The following APC2 variants were observed in gnomAD, a reference collection of about 807,000 sequenced individuals.
The protein encoded by APC2 is adenomatous polyposis coli protein 2.
APC2 carries 41 observed loss-of-function variants against 72.5 expected under a neutral mutation model. The observed-to-expected ratio is 0.57, with a 90% CI of 0.44 to 0.73. APC2 has a LOEUF of 0.73. Ranked by LOEUF, APC2 falls within the 30% of genes least tolerant of loss-of-function variation. The pLI is 0.00. For missense variants in APC2, 3,729 were observed against 3,403.4 expected (o/e 1.10, Z -2.38); for synonymous variants, 1,898 against 1,612.0 (o/e 1.18, Z -4.25).
rs1332219759 is a variant in APC2, at chr19:1,472,745, C to T, written c.*2532C>T. ...CAATCAACTCAAGGTACGCCCACTG[C>T]AAGGCCTCCCTCCCACCGCGGCCCC... On this transcript the variant is annotated 3_prime_UTR_variant, in exon 15 of 15. Transcript: ENST00000590469. 1.3e-5 allele frequency: 2 copies of T among 152,460 alleles called. No individual in the cohort carries two copies. Among genetic ancestry groups the T allele is most frequent in the Non-Finnish European group, 2.9e-5 (2 of 68,236 alleles). The allele number at this position is 152,460 out of a possible 1,614,324, so 9.4% of individuals were successfully genotyped here. A position where few individuals can be genotyped will look rare whatever the true frequency, so the allele number is the denominator to read the frequency against.
At chr19:1,450,440 C>T in intron 1 of APC2, 102 bp downstream of exon 1, 2 of 883,282 alleles carry the variant, frequency 2.3e-6, no homozygotes, top group Non-Finnish European at 2.7e-6. Flanking sequence ...ACTCTGGACC[C>T]TCCATTTCCC....
At chr19:1,461,820 C>G (rs1383902725) in intron 13 of APC2, 143 bp from the exon 14 acceptor site, 2 of 698,684 alleles carry the variant, frequency 2.9e-6, no homozygotes, top group African/African-American at 3.6e-5. Context: ...CCACTGCACT[C>G]CAGCCTGGGG....
intron 4 of APC2, among the ~76,000 whole-genome samples, 184 bp downstream of exon 4, chr19:1,453,795 T>TCCCTCC (rs1009494071): frequency 6.6e-6 from 1 of 151,178 alleles, no homozygotes; most frequent in Non-Finnish European, 1.5e-5. Flanking sequence ...CCACGTGGCC[T>TCCCTCC]CCCTCCCCCT....
chr19:1,466,441 C>G lies in APC2; in HGVS notation c.3140C>G (p.Pro1047Arg). Residue 1047 changes from proline (P) to arginine (R), a missense_variant, in exon 15 of 15, where the codon CCG becomes CGG. Physicochemically the swap from Pro to Arg is moderately radical, Grantham distance 103 (BLOSUM62 -2). Coordinates refer to ENST00000590469, the MANE Select transcript of APC2 (RefSeq NM_005883.3). ...SKVPEKLAAA[P>R]LSVASKALQK... ...GTTCCCGAGAAGCTGGCGGCTGCCC[C>G]GCTGTCTGTGGCCAGCAAGGCACTG... 1 of 1,597,548 alleles carries G rather than the reference C, an allele frequency of 6.3e-7. No individual in the cohort carries two copies. The highest frequency in any genetic ancestry group is 8.5e-7 in the Non-Finnish European group (1 of 1,179,176).
intron 2 of APC2, 41 bp from the exon 3 acceptor site, chr19:1,453,206 C>G (rs774855479): frequency 1.5e-5 from 24 of 1,562,568 alleles, no homozygotes; most frequent in Non-Finnish European, 2.1e-5. Context: ...CAGCCCAGTG[C>G]AGTGGCTGAT....
chr19:1,447,055 C>T (rs1420778956), upstream of APC2, among the ~76,000 whole-genome samples: 2 of 152,132 alleles, frequency 1.3e-5, no homozygotes, highest in African/African-American at 2.4e-5. Context: ...GCACGTCTGC[C>T]GACTCGCCGC....
rs375932325 is a variant in APC2, at chr19:1,453,531, C to A, written c.333C>A (p.His111Gln). The A allele has an allele frequency of 3.1e-6, 5 of 1,611,502 alleles. No individual in the cohort carries two copies. The highest frequency in any genetic ancestry group is 1.7e-4 in the Middle Eastern group (1 of 6,058). ...AARTPEGSPV[H>Q]GSGPSKDSFG... ...GGACCCCCGAGGGCAGCCCAGTACA[C>A]GGCTCCGGGCCCTCCAAGGACAGCT... The change falls in exon 4 of 15, where the codon CAC (histidine) becomes CAA (glutamine). Residue 111 changes from histidine to glutamine, a missense_variant. Coordinates refer to ENST00000590469, the MANE Select transcript of APC2 (RefSeq NM_005883.3).
At position 1,462,136 on chromosome 19, in the gene APC2, C is replaced by A; in HGVS notation, c.1812C>A (p.Leu604=). 6 of 1,612,174 alleles carry A rather than the reference C, an allele frequency of 3.7e-6. No individual in the cohort carries two copies. Among genetic ancestry groups the A allele is most frequent in the Non-Finnish European group, 4.2e-6 (5 of 1,179,900 alleles). ...TCATCGAGAGCGGCGGCGGCATCCT[C>A]CGCAATGTGTCCAGCCTCGTCGCCA... The part of the protein sequence containing the change: ...LAIIESGGGI[L]RNVSSLVATR... The change falls in exon 14 of 15, where the codon CTC becomes CTA. Residue 604 remains leucine (L), a synonymous_variant. Coordinates refer to ENST00000590469, the MANE Select transcript of APC2 (RefSeq NM_005883.3).
chr19:1,456,246 A>T, intron 7 of APC2, 60 bp from the exon 8 acceptor site: 1 of 1,562,652 alleles, frequency 6.4e-7, no homozygotes, highest in South Asian at 1.2e-5. Flanking sequence ...CCACATCATC[A>T]CGGGTGAGCA....
intron 10 of APC2, chr19:1,458,328 ACAGGGAACGGAC>A: frequency 1.9e-6 from 1 of 529,832 alleles, no homozygotes. Context: ...GGGGCTCAGA[ACAGGGAACGGAC>A]CAGAAGGGCA....
chr19:1,467,391 C>T lies in APC2; in HGVS notation c.4090C>T (p.Pro1364Ser), dbSNP rs2084037533. Residue 1364 changes from proline (P) to serine (S), a missense_variant, in exon 15 of 15, where the codon CCA becomes TCA. Physicochemically the swap from Pro to Ser is moderately conservative, Grantham distance 74. Transcript: ENST00000590469. ...GCGCAAGGTGGCCTCCGCGCTGGTG[C>T]CAGGTCGCCGCGCACTCCCCGTGCC... ...RLRKVASALV[P>S]GRRALPVPVY... is the part of the protein sequence containing the mutation. The T allele has an allele frequency of 1.3e-6, 2 of 1,487,564 alleles. No homozygotes were observed. The highest frequency in any genetic ancestry group is 1.8e-6 in the Non-Finnish European group (2 of 1,124,648). 92.1% of individuals were successfully genotyped at this position (1,487,564 alleles called of 1,614,324 possible).
chr19:1,471,658 G>C lies in APC2; in HGVS notation c.*1445G>C, dbSNP rs893615429. On this transcript the variant is annotated 3_prime_UTR_variant, in exon 15 of 15. Transcript: ENST00000590469. ...GGATCTGCCCAGGCTGAAGGCACAC[G>C]CTCAATGCCCCACGTGCCTTCTCCA... The C allele has an allele frequency of 2.6e-5, 4 of 152,270 alleles. No homozygotes were observed. Among genetic ancestry groups the C allele is most frequent in the African/African-American group, 9.7e-5 (4 of 41,450 alleles). The allele number at this position is 152,270 out of a possible 1,614,324, so 9.4% of individuals were successfully genotyped here.
rs1441041460 is a variant in APC2, at chr19:1,466,669, C to T, written c.3368C>T (p.Pro1123Leu). ...CGGGCGCCCGGGGCCACCTCGCTGC[C>T]CGTAGCCATTCCGGCTCCCCGGCGT... is the stretch of plus-strand genomic sequence containing the variant. Reference protein sequence around the residue: ...TWRAPGATSLPVAIPAPRRNR... With the variant: ...TWRAPGATSLLVAIPAPRRNR... The change falls in exon 15 of 15, where the codon CCC (proline) becomes CTC (leucine). Residue 1123 changes from proline to leucine, a missense_variant. Physicochemically the swap from Pro to Leu is moderately conservative, Grantham distance 98 (BLOSUM62 -3). Transcript: ENST00000590469. 16 of 1,503,704 alleles carry T rather than the reference C, an allele frequency of 1.1e-5. No individual in the cohort carries two copies. Among genetic ancestry groups the T allele is most frequent in the Admixed American group, 2.0e-5 (1 of 48,894 alleles). 93.1% of individuals were successfully genotyped at this position (1,503,704 alleles called of 1,614,324 possible).
Position 1,466,386 on chromosome 19 carries a change from G to A in APC2, c.3085G>A (p.Ala1029Thr). Reference protein sequence around the residue: ...PGISPGARKQAWLPADHLSKV... With the variant: ...PGISPGARKQTWLPADHLSKV... ...AATCTCTCCAGGGGCCCGGAAGCAG[G>A]CCTGGCTGCCGGCAGACCACCTGAG... is the stretch of plus-strand genomic sequence containing the variant. Residue 1029 changes from alanine (A) to threonine (T), a missense_variant, in exon 15 of 15, where the codon GCC becomes ACC. Physicochemically the swap from Ala to Thr is moderately conservative, Grantham distance 58. Coordinates refer to ENST00000590469, the MANE Select transcript of APC2 (RefSeq NM_005883.3). The A allele has an allele frequency of 5.7e-6, 9 of 1,590,614 alleles. No individual in the cohort carries two copies. Among genetic ancestry groups the A allele is most frequent in the Non-Finnish European group, 7.7e-6 (9 of 1,173,528 alleles).
Position 1,456,398 on chromosome 19 carries a change from C to A in APC2, c.810C>A (p.Asn270Lys), listed in dbSNP as rs753146427. 3.1e-6 allele frequency: 5 copies of A among 1,600,768 alleles called. No homozygotes were observed. Among genetic ancestry groups the A allele is most frequent in the Non-Finnish European group, 4.3e-6 (5 of 1,174,730 alleles). The change falls in exon 8 of 15, where the codon AAC (asparagine) becomes AAA (lysine). Residue 270 changes from asparagine to lysine, a missense_variant. Physicochemically the swap from Asn to Lys is moderately conservative, Grantham distance 94. Coordinates refer to ENST00000590469, the MANE Select transcript of APC2 (RefSeq NM_005883.3). ...HPEDGTPQPG[N>K]SKVEVVFWLL... ...AGGATGGCACCCCTCAGCCGGGCAA[C>A]AGCAAGGTGAGGGGGAGGGTGAAAC... is the stretch of plus-strand genomic sequence containing the variant.
intron 8 of APC2, 36 bp downstream of exon 8, chr19:1,456,440 G>A (rs376536547): frequency 1.1e-4 from 164 of 1,539,694 alleles, no homozygotes; most frequent in Non-Finnish European, 1.4e-4. Flanking sequence ...TGGCGCAGCT[G>A]TCTGGGCTGG....
At position 1,457,535 on chromosome 19, in the gene APC2, G is replaced by A. The variant is rs1020681012; in HGVS notation, c.1207+292G>A. The A allele has an allele frequency of 1.3e-5, 7 of 526,888 alleles. No individual in the cohort carries two copies. In the Admixed American group the frequency reaches 1.9e-4, roughly 14 times the overall value. The allele number at this position is 526,888 out of a possible 1,614,324, so 32.6% of individuals were successfully genotyped here. A position where few individuals can be genotyped will look rare whatever the true frequency, so the allele number is the denominator to read the frequency against. On this transcript the variant is annotated intron_variant, in intron 9 of 14. Coordinates refer to ENST00000590469, the MANE Select transcript of APC2 (RefSeq NM_005883.3). ...TGAGATTCTTTTTTTGCAGTTGATC[G>A]CAAAGTTAATATGGGGGCCGGGCGC...
At chr19:1,454,994 C>G (rs1249503600) in intron 4 of APC2, among the ~76,000 whole-genome samples, 155 bp from the exon 5 acceptor site, 3 of 145,064 alleles carry the variant, frequency 2.1e-5, no homozygotes, top group Non-Finnish European at 4.6e-5. Context: ...CCACCCCCCC[C>G]CCCTTACCCT....
chr19:1,447,745 C>A (rs1214961547), upstream of APC2, among the ~76,000 whole-genome samples: 1 of 152,094 alleles, frequency 6.6e-6, no homozygotes, highest in Non-Finnish European at 1.5e-5. Flanking sequence ...CCCCATGTAC[C>A]CTCAGCCCTC....
Sources: gnomAD v4.1 joint callset for allele counts (sites outside exome capture counted in the v4.1 genomes callset) on GRCh38, gnomAD v4.1.1 for gene constraint, MANE v1.5 for transcripts, NCBI Gene and HGNC (gene_info 2026-07-23, HGNC 2026-07-21) for gene names.